The following PTK2 variants were observed in gnomAD, a reference collection of about 807,000 sequenced individuals.
The protein encoded by PTK2 is focal adhesion kinase 1.
Under a neutral mutation model 150.1 loss-of-function variants are expected in PTK2, and 45 were observed. That is an observed-to-expected ratio of 0.30 (90% confidence interval 0.24 to 0.38). The LOEUF (loss-of-function observed/expected upper bound fraction) is 0.38. Ranked by LOEUF, PTK2 falls within the 10% of genes least tolerant of loss-of-function variation. The pLI is 1.00. For missense variants in PTK2, 919 were observed against 1,307.3 expected (o/e 0.70, Z 4.58); for synonymous variants, 432 against 449.2 (o/e 0.96, Z 0.48).
intron 1 of PTK2, among the ~76,000 whole-genome samples, chr8:140,977,104 T>C (rs995210294): frequency 1.3e-5 from 2 of 152,206 alleles, no homozygotes; most frequent in Non-Finnish European, 2.9e-5. Flanking sequence ...ATAAATGCTT[T>C]ATGGGCCAGG....
chr8:140,788,173 T>C (rs927256105), intron 14 of PTK2, among the ~76,000 whole-genome samples: 4 of 152,186 alleles, frequency 2.6e-5, no homozygotes, highest in Non-Finnish European at 4.4e-5. Flanking sequence ...CCTGAGAACA[T>C]GCTGGCAACC....
At chr8:140,835,297 A>G (rs1417447547) in intron 7 of PTK2, among the ~76,000 whole-genome samples, 1 of 152,234 alleles carries the variant, frequency 6.6e-6, no homozygotes, top group African/African-American at 2.4e-5. Flanking sequence ...TCTTCTGGCA[A>G]TATTTCTGAG....
At chr8:140,868,038 A>C (rs1359550078) in intron 4 of PTK2, among the ~76,000 whole-genome samples, 1 of 152,186 alleles carries the variant, frequency 6.6e-6, no homozygotes, top group Non-Finnish European at 1.5e-5. Flanking sequence ...GCCCCAAATA[A>C]AATCATTCTT....
intron 1 of PTK2, among the ~76,000 whole-genome samples, chr8:140,953,772 T>C (rs537710675): frequency 2.7e-4 from 41 of 152,222 alleles, no homozygotes; most frequent in Non-Finnish European, 5.1e-4. Flanking sequence ...AATCCCAGCT[T>C]TGCCATCTAC....
intron 14 of PTK2, 143 bp from the exon 16 acceptor site, chr8:140,769,735 C>A: frequency 5.2e-6 from 2 of 384,028 alleles, no homozygotes; most frequent in East Asian, 7.4e-5. Flanking sequence ...AACAATTACC[C>A]CCCAGGGTTT....
intron 14 of PTK2, among the ~76,000 whole-genome samples, chr8:140,767,435 C>T (rs1413880366): frequency 9.3e-6 from 1 of 107,674 alleles, no homozygotes; most frequent in Non-Finnish European, 1.8e-5. Flanking sequence ...AAGTTTATAA[C>T]CCTCTATATA....
At chr8:140,890,487 C>G in intron 3 of PTK2, 56 bp downstream of exon 3, 1 of 1,393,362 alleles carries the variant, frequency 7.2e-7, no homozygotes, top group Non-Finnish European at 1.0e-6. Flanking sequence ...TCATACATGC[C>G]ATTACATTTT....
intron 23 of PTK2, among the ~76,000 whole-genome samples, chr8:140,713,448 A>G (rs2100037886): frequency 6.6e-6 from 1 of 152,198 alleles, no homozygotes; most frequent in South Asian, 2.1e-4. Flanking sequence ...TTTTTAGTTG[A>G]AACGGGGTTT....
At chr8:140,884,899 T>C (rs1568164357) in intron 3 of PTK2, among the ~76,000 whole-genome samples, 1 of 152,192 alleles carries the variant, frequency 6.6e-6, no homozygotes, top group African/African-American at 2.4e-5. Flanking sequence ...CCATTTACTA[T>C]TACAGATTCA....
chr8:140,876,946 G>A (rs890174792), intron 4 of PTK2, among the ~76,000 whole-genome samples: 3 of 147,748 alleles, frequency 2.0e-5, no homozygotes, highest in Admixed American at 6.8e-5. Flanking sequence ...CATAACTCTT[G>A]AAAATACCTC....
intron 2 of PTK2, among the ~76,000 whole-genome samples, chr8:140,924,201 C>T (rs2100168599): frequency 6.6e-6 from 1 of 152,120 alleles, no homozygotes; most frequent in African/African-American, 2.4e-5. Flanking sequence ...CACTCTTGCC[C>T]CCGCGTTATC....
intron 2 of PTK2, among the ~76,000 whole-genome samples, chr8:140,907,609 G>C (rs1052180290): frequency 6.6e-6 from 1 of 151,934 alleles, no homozygotes; most frequent in Non-Finnish European, 1.5e-5. Flanking sequence ...ACCCTGCATC[G>C]AGCGAGTCTA....
At chr8:140,888,581 T>A (rs939756101) in intron 3 of PTK2, among the ~76,000 whole-genome samples, 1 of 152,250 alleles carries the variant, frequency 6.6e-6, no homozygotes, top group African/African-American at 2.4e-5. Context: ...GTATCTGATG[T>A]AAATTTTTCT....
intron 12 of PTK2, among the ~76,000 whole-genome samples, chr8:140,793,820 G>A (rs1205041596): frequency 6.6e-6 from 1 of 152,224 alleles, no homozygotes; most frequent in Non-Finnish European, 1.5e-5. Context: ...GTGCATGGCT[G>A]CCAACGGAAT....
chr8:140,814,299 T>C, intron 10 of PTK2, among the ~76,000 whole-genome samples: 1 of 152,190 alleles, frequency 6.6e-6, no homozygotes, highest in Admixed American at 6.5e-5. Context: ...CTCTAACTCA[T>C]TCTATGAAGC....
At chr8:140,982,256 A>T (rs552498063) in intron 1 of PTK2, among the ~76,000 whole-genome samples, 1 of 152,220 alleles carries the variant, frequency 6.6e-6, no homozygotes, top group Non-Finnish European at 1.5e-5. Flanking sequence ...TCACTGGATC[A>T]TTAAGATACA....
chr8:140,996,837 CTTG>C (rs774622000), intron 1 of PTK2, among the ~76,000 whole-genome samples: 2 of 152,196 alleles, frequency 1.3e-5, no homozygotes, highest in Non-Finnish European at 2.9e-5. Context: ...GGTTTTCATG[CTTG>C]TTAACACCAC....
rs548155826 is a variant in PTK2, at chr8:140,861,958, A to G, written c.450+2354T>C. On this transcript the variant is annotated intron_variant, in intron 5 of 31. Transcript: ENST00000522684. ...CATTTAGCTTTCTCTTGGGTTTTAT[A>G]AAGACCGCTGAACTGAATTCTATAG... Among the ~76,000 whole-genome samples the G allele has an allele frequency of 3.3e-5, 5 of 152,346 alleles. No individual in the cohort carries two copies. The South Asian group carries it at 8.3e-4, about 25-fold the overall frequency.
At chr8:140,841,423 A>G (rs937718681) in intron 7 of PTK2, among the ~76,000 whole-genome samples, 1 of 152,200 alleles carries the variant, frequency 6.6e-6, no homozygotes, top group African/African-American at 2.4e-5. Context: ...TCATTAAGCC[A>G]AAAGTTAATT....
Sources: gnomAD v4.1 joint callset for allele counts (sites outside exome capture counted in the v4.1 genomes callset) on GRCh38, gnomAD v4.1.1 for gene constraint, MANE v1.5 for transcripts, NCBI Gene and HGNC (gene_info 2026-07-23, HGNC 2026-07-21) for gene names.